PTPN23: variants seen among roughly 807,000 people sequenced by gnomAD.
PTPN23 encodes the protein protein tyrosine phosphatase non-receptor type 23.
A neutral mutation model predicts 156.3 loss-of-function variants in PTPN23; 72 were observed. The ratio of observed to expected loss-of-function variants is 0.46; its 90% confidence interval spans 0.38 to 0.56. The LOEUF (loss-of-function observed/expected upper bound fraction) is 0.56, where lower values mean the gene tolerates loss of function less well. Ranked by LOEUF, PTPN23 falls within the 20% of genes least tolerant of loss-of-function variation. The pLI is 0.00. For synonymous variants in PTPN23, 957 were observed against 899.6 expected (o/e 1.06, Z -1.14); for missense variants, 1,974 against 2,171.5 (o/e 0.91, Z 1.81).
Position 47,411,413 on chromosome 3 carries a change from T to C in PTPN23, c.3615T>C (p.Asp1205=), listed in dbSNP as rs1705286201. The change falls in exon 20 of 25, where the codon GAT becomes GAC. Residue 1205 remains aspartate (D), a synonymous_variant. Transcript: ENST00000265562. The surrounding 1 kb of genome is among the most constrained non-coding windows in gnomAD (Gnocchi z 6.3). ...WRELQDAQEH[D]ARGRSIAIAR... ...AGCTGCAAGATGCGCAGGAACATGA[T>C]GCCCGAGGCCGTTCCATCGCCATTG... The C allele has an allele frequency of 3.1e-6, 5 of 1,613,064 alleles. No homozygotes were observed. The highest frequency in any genetic ancestry group is 2.2e-5 in the East Asian group (1 of 44,872).
Position 47,411,919 on chromosome 3 carries a change from G to C in PTPN23, c.4025G>C (p.Ser1342Thr). ...RVLSLQFRDQ[S>T]LKRSLVHLHF... ...CTGAGCCTGCAGTTCCGAGACCAGA[G>C]CCTCAAGCGCTCTCTTGTGCACCTG... The change falls in exon 21 of 25, where the codon AGC (serine) becomes ACC (threonine). Residue 1342 changes from serine to threonine, a missense_variant. Ser to Thr is a moderately conservative substitution (Grantham distance 58). Around this residue, in one of 4 missense-constraint regions of PTPN23, gnomAD observed 484 missense variants for 516.0 expected, o/e 0.94. Transcript: ENST00000265562. This position sits in a 1 kb window ranked among gnomAD's most constrained non-coding sequence, Gnocchi z 6.3. 1.2e-6 allele frequency: 2 copies of C among 1,613,398 alleles called. No individual in the cohort carries two copies. Among genetic ancestry groups the C allele is most frequent in the Non-Finnish European group, 1.7e-6 (2 of 1,179,982 alleles).
At position 47,413,346 on chromosome 3, in the gene PTPN23, C is replaced by T; in HGVS notation, c.*161C>T. Reference sequence around the variant, plus strand: ...TGCACCCCTGTGGGGTGGAAATGTACTGCAGGCTCTGGGTCAGGTTCTGCT... The same window carrying T: ...TGCACCCCTGTGGGGTGGAAATGTATTGCAGGCTCTGGGTCAGGTTCTGCT... On this transcript the variant is annotated 3_prime_UTR_variant, in exon 25 of 25. Transcript: ENST00000265562. The T allele has an allele frequency of 2.0e-6, 2 of 985,642 alleles. No homozygotes were observed. Among genetic ancestry groups the T allele is most frequent in the Non-Finnish European group, 3.0e-6 (2 of 672,780 alleles). The allele number at this position is 985,642 out of a possible 1,614,324, so 61.1% of individuals were successfully genotyped here. A position where few individuals can be genotyped will look rare whatever the true frequency, so the allele number is the denominator to read the frequency against.
Position 47,411,327 on chromosome 3 carries a change from G to C in PTPN23, c.3529G>C (p.Glu1177Gln), listed in dbSNP as rs775553662. ...HPERLRQLQQ[E>Q]LEAFRGQLGD... ...TGAGAGGCTGCGGCAGTTGCAGCAG[G>C]AGCTGGAGGCCTTTCGGGGTCAGCT... Residue 1177 changes from glutamate to glutamine, a missense_variant, in exon 20 of 25, where the codon GAG (glutamate) becomes CAG (glutamine). Physicochemically the swap from Glu to Gln is conservative, Grantham distance 29. This residue lies in a region of PTPN23 where 731 missense variants were observed against 669.1 expected (regional missense o/e 1.09). Coordinates refer to ENST00000265562, the MANE Select transcript of PTPN23 (RefSeq NM_015466.4). The surrounding 1 kb of genome is among the most constrained non-coding windows in gnomAD (Gnocchi z 6.3). 1 of 1,612,858 alleles carries C rather than the reference G, an allele frequency of 6.2e-7. No individual in the cohort carries two copies. The highest frequency in any genetic ancestry group is 8.5e-7 in the Non-Finnish European group (1 of 1,180,006).
At chr3:47,390,461 T>C (rs1435229391) in intron 1 of PTPN23, among the ~76,000 whole-genome samples, 1 of 152,160 alleles carries the variant, frequency 6.6e-6, no homozygotes, top group Non-Finnish European at 1.5e-5. Context: ...CTTCTTCCTG[T>C]TAGTTGTGTA....
In PTPN23 at chr3:47,410,266, C is replaced by T. The variant is rs1187977166; in HGVS notation, c.2468C>T (p.Pro823Leu). ...GTAGCACCTGGGCCTGCCCTCTACC[C>T]AGCCCCTGCCTACACACCGGAGCTG... ...MPVAPGPALY[P>L]APAYTPELGL... Residue 823 changes from proline to leucine, a missense_variant, in exon 20 of 25, where the codon CCA becomes CTA. Around this residue, in one of 4 missense-constraint regions of PTPN23, gnomAD observed 731 missense variants for 669.1 expected, o/e 1.09. Transcript: ENST00000265562. The T allele has an allele frequency of 3.1e-6, 5 of 1,609,240 alleles. No homozygotes were observed. The highest frequency in any genetic ancestry group is 2.2e-5 in the East Asian group (1 of 44,822).
chr3:47,397,001 G>C (rs1704892781), intron 2 of PTPN23, among the ~76,000 whole-genome samples: 1 of 152,150 alleles, frequency 6.6e-6, no homozygotes, highest in Admixed American at 6.6e-5. Context: ...GGCCATTGTA[G>C]GTTATTAATT....
chr3:47,412,231 GGGCTCTT>G (rs1705323766), intron 22 of PTPN23, 33 bp downstream of exon 22: 1 of 1,613,146 alleles, frequency 6.2e-7, no homozygotes, highest in Admixed American at 1.7e-5. Context: ...TCTCCTCTAT[GGGCTCTT>G]GGCCTAGCCT....
rs1210527435 is a variant in PTPN23 at position 47,408,927 on chromosome 3, G to C, written c.1482G>C (p.Val494=). ...CCTCCAAGGCTGAGCTGGCAGAGGT[G>C]AGGCGAGAATGGGCCAAGTACATGG... The part of the protein sequence containing the change: ...SITSKAELAE[V]RREWAKYMEV... The change falls in exon 16 of 25, where the codon GTG becomes GTC. Residue 494 remains valine, a synonymous_variant. Coordinates refer to ENST00000265562, the MANE Select transcript of PTPN23 (RefSeq NM_015466.4). The C allele has an allele frequency of 6.2e-7, 1 of 1,614,246 alleles. No individual in the cohort carries two copies. The highest frequency in any genetic ancestry group is 1.7e-5 in the Admixed American group (1 of 60,036).
At position 47,409,522 on chromosome 3, in the gene PTPN23, G is replaced by T. The variant is rs756662249; in HGVS notation, c.1903G>T (p.Val635Leu). ...RVLCALTEAN[V>L]QYAAVRRVLS... ...CCTCTGTGCACTGACAGAGGCCAAC[G>T]TGCAGTACGCAGCCGTGCGGCGGGT... The change falls in exon 18 of 25, where the codon GTG becomes TTG. Residue 635 changes from valine to leucine, a missense_variant. This residue lies in a region of PTPN23 where 726 missense variants were observed against 929.5 expected (regional missense o/e 0.78). Transcript: ENST00000265562. The T allele has an allele frequency of 6.2e-7, 1 of 1,614,062 alleles. No homozygotes were observed. Among genetic ancestry groups the T allele is most frequent in the East Asian group, 2.2e-5 (1 of 44,886 alleles).
rs762437073 is a variant in PTPN23 at position 47,405,884 on chromosome 3, G to A, written c.415-31G>A. ...ATGGATGAATCCTGACCCATGGAGT[G>A]GACACAGGCCATCCTCCCACTCCCT... On this transcript the variant is annotated intron_variant, in intron 5 of 24. Coordinates refer to ENST00000265562, the MANE Select transcript of PTPN23 (RefSeq NM_015466.4). This position sits in a 1 kb window ranked among gnomAD's most constrained non-coding sequence, Gnocchi z 4.7. 1.2e-6 allele frequency: 2 copies of A among 1,610,318 alleles called. No homozygotes were observed. Among genetic ancestry groups the A allele is most frequent in the Admixed American group, 1.7e-5 (1 of 59,700 alleles).
chr3:47,411,147 G>C lies in PTPN23; in HGVS notation c.3349G>C (p.Ala1117Pro), dbSNP rs1236510244. 2 of 1,601,574 alleles carry C rather than the reference G, an allele frequency of 1.2e-6. No individual in the cohort carries two copies. Among genetic ancestry groups the C allele is most frequent in the Non-Finnish European group, 1.7e-6 (2 of 1,175,654 alleles). ...PPCLRRGAAA[A>P]DLLSSSPESQ... ...TTGCCTGCGCCGAGGCGCCGCAGCT[G>C]CAGACCTGCTCTCCTCCAGCCCGGA... The change falls in exon 20 of 25, where the codon GCA becomes CCA. Residue 1117 changes from alanine (A) to proline (P), a missense_variant. By Grantham distance (27) the Ala-to-Pro change is conservative (BLOSUM62 -1). Around this residue, in one of 4 missense-constraint regions of PTPN23, gnomAD observed 731 missense variants for 669.1 expected, o/e 1.09. Coordinates refer to ENST00000265562, the MANE Select transcript of PTPN23 (RefSeq NM_015466.4). This position sits in a 1 kb window ranked among gnomAD's most constrained non-coding sequence, Gnocchi z 6.3.
chr3:47,388,325 C>G (rs1167297287), intron 1 of PTPN23, among the ~76,000 whole-genome samples: 2 of 152,166 alleles, frequency 1.3e-5, no homozygotes. Flanking sequence ...CCGTCCACCT[C>G]ATCCTCCTGA....
At position 47,407,049 on chromosome 3, in the gene PTPN23, A is replaced by G; in HGVS notation, c.808-81A>G. On this transcript the variant is annotated intron_variant, in intron 9 of 24. Coordinates refer to ENST00000265562, the MANE Select transcript of PTPN23 (RefSeq NM_015466.4). This position sits in a 1 kb window ranked among gnomAD's most constrained non-coding sequence, Gnocchi z 4.0. ...CTGAGCTGCTTGTCATCTGATGGAC[A>G]GGCAGGGCCGGGTGGGAGGCAGGAG... is the stretch of plus-strand genomic sequence containing the variant. 1.3e-6 allele frequency: 2 copies of G among 1,571,702 alleles called. No individual in the cohort carries two copies. The highest frequency in any genetic ancestry group is 1.7e-6 in the Non-Finnish European group (2 of 1,145,606).
Position 47,412,100 on chromosome 3 carries a change from G to A in PTPN23, c.4080G>A (p.Leu1360=), listed in dbSNP as rs1347599722. The change falls in exon 22 of 25, where the codon CTG becomes CTA. Residue 1360 remains leucine (L), a synonymous_variant. Coordinates refer to ENST00000265562, the MANE Select transcript of PTPN23 (RefSeq NM_015466.4). ...GCCCCATCCTGTCCCACAGAGGCCT[G>A]CCCGACAGCCCCAGCAACTTGCTGC... is the stretch of plus-strand genomic sequence containing the variant. The part of the protein sequence containing the change: ...LHFPTWPELG[L]PDSPSNLLRF... 4.3e-6 allele frequency: 7 copies of A among 1,612,926 alleles called. No homozygotes were observed. Among genetic ancestry groups the A allele is most frequent in the Non-Finnish European group, 5.9e-6 (7 of 1,180,014 alleles).
chr3:47,406,718 C>A lies in PTPN23; in HGVS notation c.775C>A (p.Gln259Lys). 1.2e-6 allele frequency: 2 copies of A among 1,613,942 alleles called. No individual in the cohort carries two copies. The highest frequency in any genetic ancestry group is 1.7e-6 in the Non-Finnish European group (2 of 1,179,984). The change falls in exon 9 of 25, where the codon CAG (glutamine) becomes AAG (lysine). Residue 259 changes from glutamine (Q) to lysine (K), a missense_variant. Gln to Lys is a moderately conservative substitution (Grantham distance 53). This residue lies in a region of PTPN23 where 726 missense variants were observed against 929.5 expected (regional missense o/e 0.78). Coordinates refer to ENST00000265562, the MANE Select transcript of PTPN23 (RefSeq NM_015466.4). The surrounding 1 kb of genome is among the most constrained non-coding windows in gnomAD (Gnocchi z 5.8). ...TCTTTCCCAGCTGCACATGGGAAAG[C>A]AGGCCGAGGAGCAGCAGAAGTTCGG... is the stretch of plus-strand genomic sequence containing the variant. ...AAVAHLHMGK[Q>K]AEEQQKFGER...
chr3:47,406,733 CAGA>C lies in PTPN23; in HGVS notation c.793_795del (p.Lys265del). On this transcript the variant is annotated inframe_deletion, in exon 9 of 25. Transcript: ENST00000265562. The surrounding 1 kb of genome is among the most constrained non-coding windows in gnomAD (Gnocchi z 5.8). ...CATGGGAAAGCAGGCCGAGGAGCAGCAGAAGTTCGGGGAGCGGGTGAGCTACAG... is the reference window on the plus strand; with the variant it reads ...CATGGGAAAGCAGGCCGAGGAGCAGCAGTTCGGGGAGCGGGTGAGCTACAG... 1 of 1,613,832 alleles carries C rather than the reference CAGA, an allele frequency of 6.2e-7. No homozygotes were observed. The highest frequency in any genetic ancestry group is 8.5e-7 in the Non-Finnish European group (1 of 1,179,966).
intron 1 of PTPN23, among the ~76,000 whole-genome samples, chr3:47,381,858 G>T (rs1422915303): frequency 6.6e-6 from 1 of 152,200 alleles, no homozygotes; most frequent in East Asian, 1.9e-4. Context: ...TACTGTGTTG[G>T]AAGAACAGAC....
Position 47,412,783 on chromosome 3 carries a change from C to G in PTPN23, c.4509C>G (p.Ala1503=). The part of the protein sequence containing the change: ...VPISSIQATI[A]KLSIRPPGGL... ...TCAGCTCCATCCAGGCCACCATTGCCAAGCTCAGCATTCGGCCTCCTGGGG... is the reference window on the plus strand; with the variant it reads ...TCAGCTCCATCCAGGCCACCATTGCGAAGCTCAGCATTCGGCCTCCTGGGG... Residue 1503 remains alanine, a synonymous_variant, in exon 25 of 25, where the codon GCC becomes GCG. Transcript: ENST00000265562. 6.2e-7 allele frequency: 1 copy of G among 1,613,120 alleles called. No homozygotes were observed. The highest frequency in any genetic ancestry group is 2.2e-5 in the East Asian group (1 of 44,878).
At position 47,407,943 on chromosome 3, in the gene PTPN23, A is replaced by G. The variant is rs759159322; in HGVS notation, c.1172A>G (p.Asn391Ser). ...REMMAKIEDK[N>S]EVLDQFMDSM... ...ATGATGGCCAAGATTGAGGACAAGA[A>G]TGAGGTCCTGGAGTGAGTGTGGGAC... Residue 391 changes from asparagine (N) to serine (S), a missense_variant, in exon 14 of 25, where the codon AAT becomes AGT. By Grantham distance (46) the Asn-to-Ser change is conservative. This residue lies in a region of PTPN23 where 726 missense variants were observed against 929.5 expected (regional missense o/e 0.78). Transcript: ENST00000265562. This position sits in a 1 kb window ranked among gnomAD's most constrained non-coding sequence, Gnocchi z 4.0. 6.2e-7 allele frequency: 1 copy of G among 1,613,902 alleles called. No homozygotes were observed. The highest frequency in any genetic ancestry group is 1.1e-5 in the South Asian group (1 of 91,074).
Sources: gnomAD v4.1 joint callset for allele counts (sites outside exome capture counted in the v4.1 genomes callset) on GRCh38, gnomAD v4.1.1 for gene constraint, gnomAD v4.1.1 regional missense constraint, Gnocchi (gnomAD v3.1) non-coding constraint, MANE v1.5 for transcripts, NCBI Gene and HGNC (gene_info 2026-07-23, HGNC 2026-07-21) for gene names.